CSMD3: variants seen among roughly 807,000 people sequenced by gnomAD.
The protein encoded by CSMD3 is CUB and Sushi multiple domains 3.
Under a neutral mutation model 435.2 loss-of-function variants are expected in CSMD3, and 177 were observed. That is an observed-to-expected ratio of 0.41 (90% CI 0.36 to 0.46). CSMD3 has a LOEUF of 0.46. Ranked by LOEUF, CSMD3 falls within the 20% of genes least tolerant of loss-of-function variation. The pLI is 0.34. For synonymous variants in CSMD3, 1,656 were observed against 1,520.5 expected (o/e 1.09, Z -2.07); for missense variants, 4,265 against 4,504.6 (o/e 0.95, Z 1.52).
intron 31 of CSMD3, among the ~76,000 whole-genome samples, chr8:112,484,628 G>A (rs982776350): frequency 2.6e-5 from 4 of 152,004 alleles, no homozygotes; most frequent in African/African-American, 9.7e-5. Context: ...CGTACAATGA[G>A]AATCCATATG....
At chr8:112,950,034 C>A (rs72682169) in intron 8 of CSMD3, among the ~76,000 whole-genome samples, 14,297 of 151,900 alleles carry the variant, frequency 0.094, 853 homozygotes, top group Middle Eastern at 0.16. Context: ...TGGAGTATTT[C>A]ATTTGGACAA....
intron 2 of CSMD3, among the ~76,000 whole-genome samples, chr8:113,293,566 G>A (rs1265570496): frequency 1.3e-5 from 2 of 152,024 alleles, no homozygotes; most frequent in African/African-American, 4.8e-5. Context: ...CATGGTACAT[G>A]GCACACACAG....
chr8:112,559,598 C>A (rs559207627), intron 24 of CSMD3, among the ~76,000 whole-genome samples: 1 of 151,664 alleles, frequency 6.6e-6, no homozygotes, highest in Non-Finnish European at 1.5e-5. Flanking sequence ...ATCCTGAATA[C>A]CTCATTTGCA....
intron 9 of CSMD3, among the ~76,000 whole-genome samples, chr8:112,934,670 T>C (rs1282149607): frequency 6.6e-6 from 1 of 152,144 alleles, no homozygotes; most frequent in Non-Finnish European, 1.5e-5. Flanking sequence ...CATAAATTCA[T>C]AAGTTGCTTA....
chr8:112,388,237 C>T (rs994562822), intron 36 of CSMD3, among the ~76,000 whole-genome samples: 3 of 152,002 alleles, frequency 2.0e-5, no homozygotes, highest in Admixed American at 6.6e-5. Context: ...ACGGCATAAT[C>T]GACAGTGTCA....
At position 113,370,583 on chromosome 8, in the gene CSMD3, A is replaced by G. The variant is rs182590528; in HGVS notation, c.179-55790T>C. ...ACACATTCATCCTATCTTTCAAGATATATCCCCTGCACCCACTCTAGGTTA... is the reference window on the plus strand; with the variant it reads ...ACACATTCATCCTATCTTTCAAGATGTATCCCCTGCACCCACTCTAGGTTA... On this transcript the variant is annotated intron_variant, in intron 1 of 70. Coordinates refer to ENST00000297405, the MANE Select transcript of CSMD3 (RefSeq NM_198123.2). Among the ~76,000 whole-genome samples the G allele has an allele frequency of 1.3e-3, 195 of 152,108 alleles. 3 individuals are homozygous for G. Among genetic ancestry groups the G allele is most frequent in the Non-Finnish European group, 1.8e-4 (12 of 67,856 alleles).
chr8:113,375,817 G>A (rs2094378816), intron 1 of CSMD3, among the ~76,000 whole-genome samples: 1 of 151,946 alleles, frequency 6.6e-6, no homozygotes, highest in Non-Finnish European at 1.5e-5. Flanking sequence ...TGAAGTAAGA[G>A]CAAGCCAGGA....
At chr8:112,237,622 T>C (rs377506100) in intron 66 of CSMD3, among the ~76,000 whole-genome samples, 8 of 152,210 alleles carry the variant, frequency 5.3e-5, no homozygotes, top group African/African-American at 1.4e-4. Flanking sequence ...CCCAGGTAAA[T>C]ATAAACTTCA....
chr8:112,458,619 G>A (rs1372165540), intron 32 of CSMD3, among the ~76,000 whole-genome samples: 4 of 152,056 alleles, frequency 2.6e-5, no homozygotes, highest in Non-Finnish European at 4.4e-5. Context: ...CTAGGCAAAA[G>A]GCCAAGACTG....
At chr8:112,259,981 C>A (rs1466609045) in intron 61 of CSMD3, among the ~76,000 whole-genome samples, 1 of 152,098 alleles carries the variant, frequency 6.6e-6, no homozygotes, top group Non-Finnish European at 1.5e-5. Context: ...TCCCCCAGTA[C>A]CCTCTCTGTG....
intron 13 of CSMD3, among the ~76,000 whole-genome samples, chr8:112,764,684 T>G (rs920313051): frequency 6.6e-6 from 1 of 151,638 alleles, no homozygotes; most frequent in Non-Finnish European, 1.5e-5. Flanking sequence ...ACTATATACA[T>G]AGTAAGTAAA....
chr8:113,371,539 C>A (rs562306886), intron 1 of CSMD3, among the ~76,000 whole-genome samples: 16 of 152,048 alleles, frequency 1.1e-4, no homozygotes, highest in Admixed American at 8.5e-4. Context: ...TCTTATTCAT[C>A]TTTTTATTAT....
At chr8:112,343,224 G>A (rs191816769) in intron 41 of CSMD3, among the ~76,000 whole-genome samples, 17 of 151,702 alleles carry the variant, frequency 1.1e-4, no homozygotes, top group African/African-American at 4.1e-4. Flanking sequence ...GTTATAATGA[G>A]ATTATTGAAA....
chr8:113,110,563 A>G (rs2090607942), intron 4 of CSMD3, among the ~76,000 whole-genome samples: 3 of 152,048 alleles, frequency 2.0e-5, no homozygotes, highest in African/African-American at 7.2e-5. Context: ...TTTACCATCC[A>G]TATTTCTACA....
intron 13 of CSMD3, among the ~76,000 whole-genome samples, chr8:112,722,576 CGT>C (rs150216751): frequency 1.7e-4 from 26 of 149,724 alleles, no homozygotes; most frequent in Admixed American, 3.3e-4. Flanking sequence ...TGTGCGTTAG[CGT>C]GTGTGTGTGT....
At chr8:113,293,007 C>G (rs1049942475) in intron 2 of CSMD3, among the ~76,000 whole-genome samples, 3 of 151,680 alleles carry the variant, frequency 2.0e-5, no homozygotes, top group Admixed American at 1.3e-4. Context: ...TTTTAAATTC[C>G]TTCTAAACAC....
chr8:112,536,945 C>T (rs1826158887), intron 27 of CSMD3, among the ~76,000 whole-genome samples: 1 of 151,932 alleles, frequency 6.6e-6, no homozygotes, highest in Non-Finnish European at 1.5e-5. Context: ...CGCATATTCT[C>T]ACTCGTAGGT....
At chr8:112,562,986 C>T (rs1169811196) in intron 24 of CSMD3, among the ~76,000 whole-genome samples, 1 of 151,760 alleles carries the variant, frequency 6.6e-6, no homozygotes, top group Non-Finnish European at 1.5e-5. Context: ...ACTAACATAT[C>T]TTCATTGACC....
intron 22 of CSMD3, among the ~76,000 whole-genome samples, chr8:112,622,893 T>G (rs1834184607): frequency 1.3e-5 from 2 of 152,124 alleles, no homozygotes; most frequent in African/African-American, 2.4e-5. Context: ...TTTCATTATA[T>G]CTCCATTTTA....
Sources: gnomAD v4.1 joint callset for allele counts (sites outside exome capture counted in the v4.1 genomes callset) on GRCh38, gnomAD v4.1.1 for gene constraint, MANE v1.5 for transcripts, NCBI Gene and HGNC (gene_info 2026-07-23, HGNC 2026-07-21) for gene names.